Variants in HDAC11 observed in about 807,000 individuals in gnomAD.
HDAC11 encodes the protein histone deacetylase 11.
A neutral mutation model predicts 41.1 loss-of-function variants in HDAC11; 23 were observed. The observed-to-expected ratio is 0.56, with a 90% CI of 0.40 to 0.79. The LOEUF is 0.79. Among genes scored for constraint, HDAC11 ranks in the 30% least tolerant of loss-of-function variants. The pLI is 0.00. For synonymous variants in HDAC11, 187 were observed against 186.6 expected (o/e 1.00, Z -0.02); for missense variants, 402 against 477.3 (o/e 0.84, Z 1.47).
rs757598547 is a variant in HDAC11, at chr3:13,498,551, C to T, written c.408C>T (p.Asn136=). 12 of 1,541,696 alleles carry T rather than the reference C, an allele frequency of 7.8e-6. No homozygotes were observed. Among genetic ancestry groups the T allele is most frequent in the East Asian group, 2.6e-5 (1 of 38,790 alleles). The change falls in exon 5 of 10, where the codon AAC becomes AAT. Residue 136 remains asparagine (N), a synonymous_variant. Coordinates refer to ENST00000295757, the MANE Select transcript of HDAC11 (RefSeq NM_024827.4). The part of the protein sequence containing the change: ...KLAVERGWAI[N]VGGGFHHCSS... ...CTGTGGAGCGAGGCTGGGCCATCAA[C>T]GTGGGTGAGTGCTGGGAATGTCCTC...
intron 3 of HDAC11, among the ~76,000 whole-genome samples, chr3:13,491,448 A>G (rs1701861770): frequency 6.6e-6 from 1 of 152,020 alleles, no homozygotes; most frequent in Non-Finnish European, 1.5e-5. Context: ...CTTTTTGTGC[A>G]TCAACTGAGA....
In HDAC11 at chr3:13,504,085, C is replaced by T. The variant is rs200639040; in HGVS notation, c.650-9C>T. ...CTATAAATTGAGGCCATCCATGTCT[C>T]TCTCCCAGAGGCCATCAGGCGGAAG... On this transcript the variant is annotated splice_polypyrimidine_tract_variant and intron_variant, in intron 8 of 9. Transcript: ENST00000295757. 1 of 1,613,402 alleles carries T rather than the reference C, an allele frequency of 6.2e-7. No homozygotes were observed. Among genetic ancestry groups the T allele is most frequent in the East Asian group, 2.2e-5 (1 of 44,870 alleles).
chr3:13,488,303 T>C (rs894270767), intron 3 of HDAC11, among the ~76,000 whole-genome samples: 5 of 152,212 alleles, frequency 3.3e-5, no homozygotes, highest in Non-Finnish European at 7.3e-5. Flanking sequence ...TTAACCACTT[T>C]AAACTGTACA....
intron 3 of HDAC11, among the ~76,000 whole-genome samples, chr3:13,491,552 C>T (rs1362906504): frequency 2.0e-5 from 3 of 152,106 alleles, no homozygotes; most frequent in Non-Finnish European, 1.5e-5. Flanking sequence ...GGGGTTACAG[C>T]CTAGCTCTTC....
At chr3:13,481,948 C>A (rs912882032) in intron 2 of HDAC11, among the ~76,000 whole-genome samples, 2 of 152,176 alleles carry the variant, frequency 1.3e-5, no homozygotes, top group African/African-American at 4.8e-5. Context: ...GAATTACAGG[C>A]GTGAGCCACC....
rs983530491 is a variant in HDAC11, at chr3:13,502,130, G to T, written c.552+197G>T. 1 of 576,054 alleles carries T rather than the reference G, an allele frequency of 1.7e-6. No homozygotes were observed. The highest frequency in any genetic ancestry group is 2.3e-5 in the South Asian group (1 of 44,358). The allele number at this position is 576,054 out of a possible 1,614,324, so 35.7% of individuals were successfully genotyped here. ...CGGGTCCTCCTCATTGCTCCCGAGG[G>T]TCCTCCCTCCCTCCTCCTGACTGCC... On this transcript the variant is annotated intron_variant, in intron 7 of 9. Transcript: ENST00000295757. The surrounding 1 kb of genome is among the most constrained non-coding windows in gnomAD (Gnocchi z 4.1).
intron 3 of HDAC11, among the ~76,000 whole-genome samples, chr3:13,496,201 G>A (rs1702087392): frequency 2.0e-5 from 3 of 152,214 alleles, no homozygotes; most frequent in South Asian, 2.1e-4. Flanking sequence ...TGGAGATGAG[G>A]GCAGTGCATC....
At chr3:13,496,492 C>G (rs903586055) in intron 3 of HDAC11, 5 of 391,240 alleles carry the variant, frequency 1.3e-5, no homozygotes, top group Admixed American at 4.9e-5. Flanking sequence ...GCTGAGGAAC[C>G]CTGGCCAACT....
intron 6 of HDAC11, 81 bp from the exon 7 acceptor site, chr3:13,501,790 C>G: frequency 7.5e-7 from 1 of 1,338,918 alleles, no homozygotes; most frequent in Non-Finnish European, 1.1e-6. Context: ...CCCCGCCCCT[C>G]GCCAGCCAGC....
chr3:13,501,777 C>G, intron 6 of HDAC11, 94 bp from the exon 7 acceptor site: 1 of 1,137,752 alleles, frequency 8.8e-7, no homozygotes, highest in Non-Finnish European at 1.3e-6. Context: ...ATTAGGCCCC[C>G]CTCCCCGCCC....
chr3:13,481,527 T>G, intron 2 of HDAC11, 133 bp downstream of exon 2: 1 of 979,312 alleles, frequency 1.0e-6, no homozygotes, highest in East Asian at 2.4e-5. Context: ...CCACCCATGC[T>G]TCCGCCCAAA....
In HDAC11 at chr3:13,504,797, C is replaced by T; in HGVS notation, c.*114C>T. Reference sequence around the variant, plus strand: ...TTCAGTGAGCATGGAGGGGCAGGGCCATCCCTGGCTGGGGCCTGGAGCTGG... The same window carrying T: ...TTCAGTGAGCATGGAGGGGCAGGGCTATCCCTGGCTGGGGCCTGGAGCTGG... On this transcript the variant is annotated 3_prime_UTR_variant, in exon 10 of 10. Coordinates refer to ENST00000295757, the MANE Select transcript of HDAC11 (RefSeq NM_024827.4). 1.1e-6 allele frequency: 1 copy of T among 935,470 alleles called. No homozygotes were observed. The highest frequency in any genetic ancestry group is 1.6e-6 in the Non-Finnish European group (1 of 609,870). 57.9% of individuals were successfully genotyped at this position (935,470 alleles called of 1,614,324 possible).
chr3:13,487,052 C>G (rs1657626768), intron 3 of HDAC11, among the ~76,000 whole-genome samples: 1 of 152,142 alleles, frequency 6.6e-6, no homozygotes, highest in Non-Finnish European at 1.5e-5. Context: ...CACACAAGGT[C>G]TTGCAGGCCG....
chr3:13,483,712 T>G (rs1574885237), intron 3 of HDAC11, 148 bp downstream of exon 3: 1 of 639,960 alleles, frequency 1.6e-6, no homozygotes, highest in Non-Finnish European at 2.8e-6. Context: ...AACATGGGAG[T>G]CTGTGGTCCC....
In HDAC11 at chr3:13,483,570, G is replaced by A. The variant is rs781100465; in HGVS notation, c.252+6G>A. 59 of 1,610,696 alleles carry A rather than the reference G, an allele frequency of 3.7e-5. No individual in the cohort carries two copies. The South Asian group carries it at 6.2e-4, about 17-fold the overall frequency. On this transcript the variant is annotated splice_donor_region_variant and intron_variant, in intron 3 of 9. Transcript: ENST00000295757. The stretch of plus-strand genomic sequence containing the variant: ...GCTATCTTAATGAGCTCAAGGTACA[G>A]GATGTCGGGCCTGGGGGGCTGCGGG...
At position 13,504,724 on chromosome 3, in the gene HDAC11, C is replaced by T; in HGVS notation, c.*41C>T. ...CTGTCACGTGGCCCTGCCTATCCGC[C>T]CCTTAGTGCTTTTTGTTTTCTAACC... On this transcript the variant is annotated 3_prime_UTR_variant, in exon 10 of 10. Coordinates refer to ENST00000295757, the MANE Select transcript of HDAC11 (RefSeq NM_024827.4). 6.4e-7 allele frequency: 1 copy of T among 1,554,784 alleles called. No homozygotes were observed. The highest frequency in any genetic ancestry group is 8.9e-7 in the Non-Finnish European group (1 of 1,127,978).
intron 8 of HDAC11, 30 bp downstream of exon 8, chr3:13,503,010 G>T (rs1702445091): frequency 6.5e-7 from 1 of 1,539,146 alleles, no homozygotes; most frequent in South Asian, 1.1e-5. Flanking sequence ...CTCATCTTGG[G>T]TGTGTCCTTG....
At chr3:13,487,650 G>T (rs1050431775) in intron 3 of HDAC11, among the ~76,000 whole-genome samples, 1 of 152,114 alleles carries the variant, frequency 6.6e-6, no homozygotes, top group Non-Finnish European at 1.5e-5. Flanking sequence ...GTCGGTTAGT[G>T]CTGGGCAGCA....
chr3:13,500,059 A>G (rs1702281114), intron 5 of HDAC11, among the ~76,000 whole-genome samples: 1 of 152,066 alleles, frequency 6.6e-6, no homozygotes, highest in Non-Finnish European at 1.5e-5. Context: ...TCTTCTCATC[A>G]TTAGGAGCCA....
Sources: allele counts gnomAD v4.1 joint callset (sites outside exome capture counted in the v4.1 genomes callset), GRCh38; gene constraint gnomAD v4.1.1; non-coding constraint Gnocchi (gnomAD v3.1); transcripts MANE v1.5; gene names NCBI Gene and HGNC (gene_info 2026-07-23, HGNC 2026-07-21).